Variants in HOMER1 observed in about 807,000 individuals in gnomAD.
The protein encoded by HOMER1 is homer protein homolog 1.
In HOMER1, 3 loss-of-function variants were observed where a neutral mutation model predicts 48.9. The ratio of observed to expected loss-of-function variants is 0.06; its 90% CI spans 0.03 to 0.16. The LOEUF (loss-of-function observed/expected upper bound fraction) is 0.16. HOMER1 is among the 10% of genes least tolerant of loss of function. The pLI is 1.00. For synonymous variants in HOMER1, 134 were observed against 146.4 expected, an observed-to-expected ratio of 0.92 and a Z score of 0.61; for missense variants, 247 against 411.4, an observed-to-expected ratio of 0.60 and a Z score of 3.46.
intron 5 of HOMER1, among the ~76,000 whole-genome samples, chr5:79,421,007 T>C (rs1750083093): frequency 6.6e-6 from 1 of 152,224 alleles, no homozygotes; most frequent in Admixed American, 6.5e-5. Context: ...ATTATATATG[T>C]ATACAACATG....
chr5:79,451,556 CTTTTTTTT>C (rs71615542), intron 2 of HOMER1, among the ~76,000 whole-genome samples: 2 of 64,630 alleles, frequency 3.1e-5, no homozygotes, highest in African/African-American at 9.2e-5. Context: ...AAATATGACA[CTTTTTTTT>C]TTTTTTTTTT....
At chr5:79,481,298 C>T (rs957994425) in intron 1 of HOMER1, among the ~76,000 whole-genome samples, 1 of 152,166 alleles carries the variant, frequency 6.6e-6, no homozygotes, top group Admixed American at 6.5e-5. Context: ...CCTTAAATAA[C>T]TAAAACACTA....
At position 79,462,799 on chromosome 5, in the gene HOMER1, T is replaced by C. The variant is rs148845389; in HGVS notation, c.6-5781A>G. ...ATGAAGTCTATACTTTCAAAAATAT[T>C]ATATGATTAACCAGTAAATCTTCAT... On this transcript the variant is annotated intron_variant, in intron 1 of 8. Transcript: ENST00000334082. 5.0e-3 allele frequency among the ~76,000 whole-genome samples: 759 copies of C among 152,306 alleles called. 7 individuals are homozygous for C. Among genetic ancestry groups the C allele is most frequent in the South Asian group, 7.7e-3 (37 of 4,824 alleles).
chr5:79,511,127 G>C (rs1580051953), intron 1 of HOMER1, among the ~76,000 whole-genome samples: 1 of 152,172 alleles, frequency 6.6e-6, no homozygotes, highest in African/African-American at 2.4e-5. Flanking sequence ...CCACAGTCTA[G>C]ACAAAATGCA....
At chr5:79,496,546 C>T (rs1455954785) in intron 1 of HOMER1, among the ~76,000 whole-genome samples, 4 of 152,106 alleles carry the variant, frequency 2.6e-5, no homozygotes, top group Admixed American at 2.0e-4. Context: ...AATAGACCTC[C>T]CCAAACTTGG....
At chr5:79,465,794 C>T (rs536700740) in intron 1 of HOMER1, among the ~76,000 whole-genome samples, 4 of 151,798 alleles carry the variant, frequency 2.6e-5, no homozygotes, top group South Asian at 2.1e-4. Context: ...GGGGTTTCAC[C>T]GTGTTAGCCA....
At position 79,379,109 on chromosome 5, in the gene HOMER1, TATATAA is replaced by T. The variant is rs1272088959; in HGVS notation, c.877-2918_877-2913del. On this transcript the variant is annotated intron_variant, in intron 8 of 8. Coordinates refer to ENST00000334082, the MANE Select transcript of HOMER1 (RefSeq NM_004272.5). ...ATATATATATATATATATATATATA[TATATAA>T]AATATATAAATATTTATTTATATAT... 3.5e-3 allele frequency among the ~76,000 whole-genome samples: 325 copies of T among 93,176 alleles called. 23 individuals carry two copies. The highest frequency in any genetic ancestry group is 4.1e-3 in the Non-Finnish European group (206 of 49,868). The allele number at this position is 93,176 out of a possible 152,430, so 61.1% of individuals were successfully genotyped here.
chr5:79,463,884 T>G (rs1230707709), intron 1 of HOMER1, among the ~76,000 whole-genome samples: 1 of 152,178 alleles, frequency 6.6e-6, no homozygotes, highest in Non-Finnish European at 1.5e-5. Context: ...CTTTCTGCAA[T>G]AAGGATTTAA....
chr5:79,408,797 T>C (rs1223423478), intron 5 of HOMER1, among the ~76,000 whole-genome samples: 1 of 130,188 alleles, frequency 7.7e-6, no homozygotes, highest in Non-Finnish European at 1.9e-5. Flanking sequence ...ATTTAAAAAT[T>C]GAAGAGGCCA....
intron 5 of HOMER1, among the ~76,000 whole-genome samples, chr5:79,424,052 G>T (rs969353990): frequency 2.6e-5 from 4 of 151,998 alleles, no homozygotes; most frequent in Non-Finnish European, 1.5e-5. Context: ...ATAATAAAAT[G>T]GGAACTGGTA....
At chr5:79,503,227 T>A (rs1213904051) in intron 1 of HOMER1, among the ~76,000 whole-genome samples, 1 of 151,920 alleles carries the variant, frequency 6.6e-6, no homozygotes, top group Non-Finnish European at 1.5e-5. Context: ...TAGGGAAAAA[T>A]AAAACATGTT....
chr5:79,419,966 G>A (rs1173108208), intron 5 of HOMER1, among the ~76,000 whole-genome samples: 2 of 151,428 alleles, frequency 1.3e-5, no homozygotes, highest in Non-Finnish European at 2.9e-5. Context: ...TTCATTTGGA[G>A]AAGATGTAAA....
intron 3 of HOMER1, 126 bp from the exon 4 acceptor site, chr5:79,447,271 AT>A (rs1224263313): frequency 2.0e-5 from 12 of 613,442 alleles, no homozygotes; most frequent in Non-Finnish European, 3.5e-5. Flanking sequence ...CTCCAAACCA[AT>A]TATAGCTTCT....
chr5:79,431,106 G>A (rs189067288), intron 5 of HOMER1, among the ~76,000 whole-genome samples: 12 of 152,182 alleles, frequency 7.9e-5, no homozygotes, highest in South Asian at 2.1e-4. Context: ...CAAGGTGGGC[G>A]GATCACTTGA....
At chr5:79,511,624 CA>C (rs1465291448) in intron 1 of HOMER1, among the ~76,000 whole-genome samples, 5 of 152,202 alleles carry the variant, frequency 3.3e-5, no homozygotes, top group African/African-American at 4.8e-5. Context: ...ATATTCTCAT[CA>C]CTTGTCATTC....
At chr5:79,422,490 T>TAA (rs1750128162) in intron 5 of HOMER1, among the ~76,000 whole-genome samples, 1 of 152,092 alleles carries the variant, frequency 6.6e-6, no homozygotes, top group African/African-American at 2.4e-5. Flanking sequence ...AGCAAGGGAT[T>TAA]AAAGTTCTAA....
intron 5 of HOMER1, among the ~76,000 whole-genome samples, chr5:79,431,706 C>A (rs1028988670): frequency 6.6e-6 from 1 of 152,090 alleles, no homozygotes; most frequent in Non-Finnish European, 1.5e-5. Context: ...AGTGAATATA[C>A]GGCCAAGCTA....
intron 5 of HOMER1, among the ~76,000 whole-genome samples, chr5:79,430,006 G>A (rs1004547770): frequency 2.1e-4 from 30 of 145,390 alleles, no homozygotes; most frequent in Admixed American, 6.2e-4. Flanking sequence ...CTGGGGGACA[G>A]AGCAAGACTC....
In HOMER1 at chr5:79,408,715, A is replaced by T. The variant is rs149782197; in HGVS notation, c.528-6660T>A. Among the ~76,000 whole-genome samples, 56 of 152,310 alleles carry T rather than the reference A, an allele frequency of 3.7e-4. 1 individual carries two copies. In the East Asian group the frequency reaches 0.01, roughly 27 times the overall value. On this transcript the variant is annotated intron_variant, in intron 5 of 8. Coordinates refer to ENST00000334082, the MANE Select transcript of HOMER1 (RefSeq NM_004272.5). ...AATTTCTTAGATATTATACAATACCAAAAACATGGTCCATTAAAAAAACTG... is the reference window on the plus strand; with the variant it reads ...AATTTCTTAGATATTATACAATACCTAAAACATGGTCCATTAAAAAAACTG...
Sources: gnomAD v4.1 joint callset for allele counts (sites outside exome capture counted in the v4.1 genomes callset) on GRCh38, gnomAD v4.1.1 for gene constraint, MANE v1.5 for transcripts, NCBI Gene and HGNC (gene_info 2026-07-23, HGNC 2026-07-21) for gene names.